Variants in AKR1B15 observed in about 807,000 individuals in gnomAD.
AKR1B15 encodes aldo-keto reductase family 1 member B15, also known as estradiol 17-beta-dehydrogenase AKR1B15.
Under a neutral mutation model 38.5 loss-of-function variants are expected in AKR1B15, and 49 were observed. That is an observed-to-expected ratio of 1.27 (90% CI 1.01 to 1.62). AKR1B15 has a LOEUF of 1.62. Among genes scored for constraint, AKR1B15 ranks in the 40% most tolerant of loss-of-function variants. The pLI is 0.00. For missense variants in AKR1B15, 411 were observed against 381.6 expected (o/e 1.08, Z -0.64); for synonymous variants, 137 against 135.5 (o/e 1.01, Z -0.08).
chr7:134,577,351 G>A (rs140879729), intron 10 of AKR1B15, among the ~76,000 whole-genome samples: 1 of 152,190 alleles, frequency 6.6e-6, no homozygotes, highest in Non-Finnish European at 1.5e-5. Context: ...CACAAGAGCA[G>A]ACTGTCCTGG....
intron 3 of AKR1B15, chr7:134,565,606 T>C (rs1453973073): frequency 6.2e-7 from 1 of 1,602,496 alleles, no homozygotes; most frequent in East Asian, 2.2e-5. Flanking sequence ...GTGTTTTCTC[T>C]TTCTACATTC....
chr7:134,579,169 C>A (rs754501352), intron 11 of AKR1B15, among the ~76,000 whole-genome samples: 27 of 152,270 alleles, frequency 1.8e-4, no homozygotes, highest in Non-Finnish European at 3.7e-4. Flanking sequence ...TCATAACAAT[C>A]CCCAAGCTGT....
At chr7:134,577,492 TC>T (rs1317117370) in intron 10 of AKR1B15, among the ~76,000 whole-genome samples, 1 of 152,024 alleles carries the variant, frequency 6.6e-6, no homozygotes, top group Non-Finnish European at 1.5e-5. Flanking sequence ...CTGGTCTCCC[TC>T]CCCCCAGAAC....
intron 1 of AKR1B15, among the ~76,000 whole-genome samples, chr7:134,555,482 CTAAGT>C (rs1794161209): frequency 6.6e-6 from 1 of 152,120 alleles, no homozygotes; most frequent in Non-Finnish European, 1.5e-5. Context: ...AAAACTGCGC[CTAAGT>C]TGAGTAAAGC....
At chr7:134,576,923 T>C in intron 9 of AKR1B15, 40 bp from the exon 10 acceptor site, 2 of 1,571,132 alleles carry the variant, frequency 1.3e-6, no homozygotes, top group African/African-American at 1.3e-5. Flanking sequence ...GGAGGGGTCC[T>C]TGTAGCTGAG....
chr7:134,568,094 A>G, intron 3 of AKR1B15, 64 bp from the exon 4 acceptor site: 1 of 1,587,708 alleles, frequency 6.3e-7, no homozygotes, highest in Non-Finnish European at 8.6e-7. Context: ...CCTGGGCAAC[A>G]TGGCAAGGTC....
intron 7 of AKR1B15, 31 bp downstream of exon 7, chr7:134,575,573 C>A: frequency 6.2e-7 from 1 of 1,612,824 alleles, no homozygotes; most frequent in Admixed American, 1.7e-5. Context: ...GGGTAAGGGT[C>A]CTGCCCTATT....
In AKR1B15 at chr7:134,553,783, T is replaced by C. The variant is rs560479830; in HGVS notation, c.-146-2953T>C. 5.3e-5 allele frequency among the ~76,000 whole-genome samples: 8 copies of C among 152,346 alleles called. No homozygotes were observed. In the South Asian group the frequency reaches 1.7e-3, roughly 32 times the overall value. On this transcript the variant is annotated intron_variant, in intron 1 of 11. Coordinates refer to ENST00000457545, the MANE Select transcript of AKR1B15 (RefSeq NM_001080538.3). ...GACTGCCAAGAACTGTTAGAAACTATGGAAACTGGCTGACCTCATCTCCAA... is the reference window on the plus strand; with the variant it reads ...GACTGCCAAGAACTGTTAGAAACTACGGAAACTGGCTGACCTCATCTCCAA...
At chr7:134,551,760 C>T (rs753910614) in intron 1 of AKR1B15, among the ~76,000 whole-genome samples, 6 of 152,160 alleles carry the variant, frequency 3.9e-5, no homozygotes, top group Non-Finnish European at 5.9e-5. Flanking sequence ...AGGCCAGAAA[C>T]GTGAGAGGAC....
intron 6 of AKR1B15, among the ~76,000 whole-genome samples, chr7:134,572,253 T>C (rs986280958): frequency 1.3e-5 from 2 of 152,150 alleles, no homozygotes; most frequent in African/African-American, 4.8e-5. Context: ...CATGTCACAA[T>C]GTGTGTGGCA....
In AKR1B15 at chr7:134,550,740, T is replaced by C. The variant is rs148201029; in HGVS notation, c.-147+1491T>C. ...ACTCTTCTTCCCGGCCCCATAAAGA[T>C]TGGAGTCCTCTCCAGTGTATGTTGC... is the stretch of plus-strand genomic sequence containing the variant. On this transcript the variant is annotated intron_variant, in intron 1 of 11. Transcript: ENST00000457545. 1.1e-3 allele frequency among the ~76,000 whole-genome samples: 165 copies of C among 152,334 alleles called. 2 individuals are homozygous for C. Among genetic ancestry groups the C allele is most frequent in the African/African-American group, 3.7e-3 (153 of 41,580 alleles).
At chr7:134,572,631 GAAA>G (rs367742933) in intron 6 of AKR1B15, among the ~76,000 whole-genome samples, 1 of 125,666 alleles carries the variant, frequency 8.0e-6, no homozygotes, top group South Asian at 2.4e-4. Flanking sequence ...CCATCTTGAA[GAAA>G]AAAAAAAAAA....
intron 1 of AKR1B15, among the ~76,000 whole-genome samples, chr7:134,554,506 A>G (rs1794119533): frequency 6.6e-6 from 1 of 152,098 alleles, no homozygotes; most frequent in Admixed American, 6.6e-5. Flanking sequence ...CCCAGCTTCT[A>G]AGGAGCCATT....
At chr7:134,563,997 C>G (rs1204872677) in intron 2 of AKR1B15, among the ~76,000 whole-genome samples, 1 of 152,132 alleles carries the variant, frequency 6.6e-6, no homozygotes, top group Non-Finnish European at 1.5e-5. Flanking sequence ...CCTATATCTG[C>G]CTCCCGACCA....
At chr7:134,566,174 G>A (rs1794529908) in intron 3 of AKR1B15, among the ~76,000 whole-genome samples, 1 of 152,170 alleles carries the variant, frequency 6.6e-6, no homozygotes, top group South Asian at 2.1e-4. Flanking sequence ...TGCAGCTGTA[G>A]TCCCAGCCAC....
chr7:134,578,192 T>C (rs150019335), intron 11 of AKR1B15, among the ~76,000 whole-genome samples: 86 of 152,212 alleles, frequency 5.7e-4, no homozygotes, highest in African/African-American at 1.9e-3. Context: ...ATAAATCAAC[T>C]CAAAATATTG....
rs371711083 is a variant in AKR1B15, at chr7:134,577,719, T to G, written c.925T>G (p.Leu309Val). ...TCCTTTCTAGGTCTTTGACTTTAAATTGAGTGATGAGGAGATGGCAACCAT... is the reference window on the plus strand; with the variant it reads ...TCCTTTCTAGGTCTTTGACTTTAAAGTGAGTGATGAGGAGATGGCAACCAT... ...VENIQVFDFKLSDEEMATILS... is the reference protein window; with the variant it reads ...VENIQVFDFKVSDEEMATILS... The change falls in exon 11 of 12, where the codon TTG (leucine) becomes GTG (valine). Residue 309 changes from leucine to valine, a missense_variant. Leu to Val is a conservative substitution (Grantham distance 32). Around this residue, in one of 3 missense-constraint regions of AKR1B15, gnomAD observed 133 missense variants for 120.3 expected, o/e 1.11. Coordinates refer to ENST00000457545, the MANE Select transcript of AKR1B15 (RefSeq NM_001080538.3). 3 of 1,613,892 alleles carry G rather than the reference T, an allele frequency of 1.9e-6. No individual in the cohort carries two copies. Among genetic ancestry groups the G allele is most frequent in the South Asian group, 2.2e-5 (2 of 91,050 alleles).
intron 1 of AKR1B15, among the ~76,000 whole-genome samples, chr7:134,550,527 T>C (rs1217380763): frequency 1.3e-5 from 2 of 152,162 alleles, no homozygotes; most frequent in African/African-American, 4.8e-5. Flanking sequence ...ATCCTCTCCA[T>C]AGATCTCGAA....
At chr7:134,553,800 C>T (rs1168742135) in intron 1 of AKR1B15, among the ~76,000 whole-genome samples, 2 of 152,206 alleles carry the variant, frequency 1.3e-5, no homozygotes, top group Non-Finnish European at 2.9e-5. Context: ...TGGCTGACCT[C>T]ATCTCCAAGA....
Sources: gnomAD v4.1 joint callset for allele counts (sites outside exome capture counted in the v4.1 genomes callset) on GRCh38, gnomAD v4.1.1 for gene constraint, gnomAD v4.1.1 regional missense constraint, MANE v1.5 for transcripts, NCBI Gene and HGNC (gene_info 2026-07-23, HGNC 2026-07-21) for gene names.